Variants in ANOS1 observed in about 807,000 individuals in gnomAD.
The protein encoded by ANOS1 is anosmin 1.
ANOS1 carries 6 observed loss-of-function variants against 59.0 expected under a neutral mutation model. The ratio of observed to expected loss-of-function variants is 0.10; its 90% CI spans 0.06 to 0.20. The LOEUF (loss-of-function observed/expected upper bound fraction) is 0.20. Among genes scored for constraint, ANOS1 ranks in the 10% least tolerant of loss-of-function variants. ANOS1 has a pLI of 1.00. For synonymous variants in ANOS1, 217 were observed against 223.4 expected (o/e 0.97, Z 0.25); for missense variants, 433 against 542.3 (o/e 0.80, Z 2.00).
At chrX:8,666,352 A>G (rs906094149) in intron 2 of ANOS1, among the ~76,000 whole-genome samples, 1 of 112,114 alleles carries the variant, frequency 8.9e-6, no homozygotes, top group African/African-American at 3.2e-5. Flanking sequence ...AATAAAGGAA[A>G]TAGAAAGAGG....
intron 4 of ANOS1, among the ~76,000 whole-genome samples, chrX:8,594,675 T>TAC (rs1930688846): frequency 1.2e-4 from 7 of 56,768 alleles, no homozygotes; most frequent in African/African-American, 5.5e-4. Context: ...TATATATATA[T>TAC]ATATATATAT....
At chrX:8,589,667 G>C (rs1446541902) in intron 4 of ANOS1, among the ~76,000 whole-genome samples, 1 of 112,113 alleles carries the variant, frequency 8.9e-6, no homozygotes, top group South Asian at 3.7e-4. Context: ...TTTCAAGCTT[G>C]TATTGTAAAC....
At chrX:8,624,167 C>T (rs1931350488) in intron 2 of ANOS1, among the ~76,000 whole-genome samples, 1 of 108,323 alleles carries the variant, frequency 9.2e-6, no homozygotes, top group South Asian at 4.1e-4. Flanking sequence ...AGGCGCCTGC[C>T]ACCACACCGG....
intron 2 of ANOS1, among the ~76,000 whole-genome samples, chrX:8,665,602 G>C (rs1370615896): frequency 3.6e-5 from 4 of 111,837 alleles, no homozygotes; most frequent in Non-Finnish European, 7.5e-5. Context: ...GACAATTGTT[G>C]AACTCTAAAA....
intron 2 of ANOS1, among the ~76,000 whole-genome samples, chrX:8,680,810 T>C (rs1192672068): frequency 1.8e-5 from 2 of 111,797 alleles, no homozygotes; most frequent in African/African-American, 6.5e-5. Context: ...TCCCAAAATA[T>C]GCTACTTTGG....
chrX:8,662,979 G>A (rs1392221390), intron 2 of ANOS1, among the ~76,000 whole-genome samples: 1 of 111,944 alleles, frequency 8.9e-6, no homozygotes, highest in Non-Finnish European at 1.9e-5. Flanking sequence ...AGCCAAGATC[G>A]TGCTAGCCTG....
intron 3 of ANOS1, among the ~76,000 whole-genome samples, chrX:8,607,514 AATGTGTCACCTTGT>A (rs1265790268): frequency 1.8e-5 from 2 of 111,804 alleles, no homozygotes; most frequent in African/African-American, 6.5e-5. Flanking sequence ...TTTGAAAACA[AATGTGTCACCTTGT>A]ATGAGTCAGC....
intron 3 of ANOS1, among the ~76,000 whole-genome samples, chrX:8,608,171 C>A (rs1487331145): frequency 1.8e-5 from 2 of 111,738 alleles, no homozygotes; most frequent in Admixed American, 9.5e-5. Context: ...AAAATATTAC[C>A]CTAAGCCTTA....
intron 3 of ANOS1, among the ~76,000 whole-genome samples, chrX:8,619,051 C>T (rs1321373065): frequency 2.1e-4 from 16 of 75,665 alleles, no homozygotes; most frequent in African/African-American, 7.6e-4. Context: ...CCAGCCTGGG[C>T]GACAGAGCAA....
chrX:8,664,243 T>C (rs184755820), intron 2 of ANOS1, among the ~76,000 whole-genome samples: 7 of 111,813 alleles, frequency 6.3e-5, no homozygotes, highest in African/African-American at 2.0e-4. Flanking sequence ...CAGGCCGGAG[T>C]GCAGTGGCGC....
chrX:8,642,383 G>A (rs187756281), intron 2 of ANOS1, among the ~76,000 whole-genome samples: 2 of 99,466 alleles, frequency 2.0e-5, no homozygotes, highest in East Asian at 5.9e-4. Context: ...AAAGGGAAGC[G>A]ACTGCCAATG....
At chrX:8,658,302 C>T (rs1035163957) in intron 2 of ANOS1, among the ~76,000 whole-genome samples, 2 of 111,829 alleles carry the variant, frequency 1.8e-5, no homozygotes, top group South Asian at 3.8e-4. Context: ...CCACCTCCCA[C>T]GCTTCCAATT....
chrX:8,729,538 C>T (rs187520858), intron 1 of ANOS1, among the ~76,000 whole-genome samples: 1 of 103,264 alleles, frequency 9.7e-6, no homozygotes, highest in East Asian at 3.0e-4. Flanking sequence ...GCTGGGACTA[C>T]AGCATGCACC....
At chrX:8,626,874 AAG>A (rs1491259034) in intron 2 of ANOS1, among the ~76,000 whole-genome samples, 1 of 110,178 alleles carries the variant, frequency 9.1e-6, no homozygotes, top group Non-Finnish European at 1.9e-5. Context: ...AAAAAAAAAA[AAG>A]AAAAGAAAAA....
rs762417116 is a variant in ANOS1 at position 8,656,548 on chromosome X, C to T, written c.256-32878G>A. ...TCCTTTATGCCCTGAGCCACTCATT[C>T]ATCCTCGTCTAAGTTGCTAAGCTTT... On this transcript the variant is annotated intron_variant, in intron 2 of 13. Coordinates refer to ENST00000262648, the MANE Select transcript of ANOS1 (RefSeq NM_000216.4). Among the ~76,000 whole-genome samples the T allele has an allele frequency of 2.7e-5, 3 of 111,490 alleles. No homozygotes were observed. The South Asian group carries it at 1.1e-3, about 43-fold the overall frequency.
chrX:8,707,604 C>A, intron 1 of ANOS1, among the ~76,000 whole-genome samples: 1 of 111,297 alleles, frequency 9.0e-6, no homozygotes, highest in Admixed American at 9.5e-5. Context: ...CTCATCATTC[C>A]CTAAACAATA....
At chrX:8,678,547 G>T (rs1932371456) in intron 2 of ANOS1, among the ~76,000 whole-genome samples, 2 of 112,108 alleles carry the variant, frequency 1.8e-5, no homozygotes, top group Non-Finnish European at 3.8e-5. Flanking sequence ...GAAAGAACAT[G>T]GGCTTTAAAA....
At chrX:8,668,857 T>A (rs1032936130) in intron 2 of ANOS1, among the ~76,000 whole-genome samples, 1 of 111,246 alleles carries the variant, frequency 9.0e-6, no homozygotes, top group Non-Finnish European at 1.9e-5. Context: ...AAACACATCG[T>A]TTGACTGATC....
intron 2 of ANOS1, among the ~76,000 whole-genome samples, chrX:8,626,436 C>T (rs972673400): frequency 3.6e-5 from 4 of 111,339 alleles, no homozygotes; most frequent in Non-Finnish European, 7.5e-5. Context: ...TAATTCTTTT[C>T]TAAGACATAT....
Sources: allele counts gnomAD v4.1 joint callset (sites outside exome capture counted in the v4.1 genomes callset), GRCh38; gene constraint gnomAD v4.1.1; transcripts MANE v1.5; gene names NCBI Gene and HGNC (gene_info 2026-07-23, HGNC 2026-07-21).